Variants in SLC24A2 observed in about 807,000 individuals in gnomAD.
SLC24A2 encodes sodium/potassium/calcium exchanger 2.
SLC24A2 carries 36 observed loss-of-function variants against 62.0 expected under a neutral mutation model. The observed-to-expected ratio is 0.58, with a 90% confidence interval of 0.44 to 0.77. The LOEUF is 0.77. Among genes scored for constraint, SLC24A2 ranks in the 30% least tolerant of loss-of-function variants. The pLI is 0.00. For synonymous variants in SLC24A2, 358 were observed against 294.0 expected, an observed-to-expected ratio of 1.22 and a Z score of -2.23; for missense variants, 846 against 817.9, an observed-to-expected ratio of 1.03 and a Z score of -0.42.
intron 8 of SLC24A2, among the ~76,000 whole-genome samples, chr9:19,533,587 C>G (rs1375587951): frequency 6.6e-6 from 1 of 152,190 alleles, no homozygotes; most frequent in African/African-American, 2.4e-5. Context: ...CCAGGCTAGC[C>G]TGCTTTGAGA....
chr9:19,709,648 C>A (rs182026246), intron 2 of SLC24A2, among the ~76,000 whole-genome samples: 6 of 150,904 alleles, frequency 4.0e-5, no homozygotes, highest in Middle Eastern at 3.4e-3. Flanking sequence ...AGCAAACTAT[C>A]GCAAGGACAA....
Position 19,582,974 on chromosome 9 carries a change from C to G in SLC24A2, c.1130-5952G>C, listed in dbSNP as rs533664083. Among the ~76,000 whole-genome samples, 399 of 152,206 alleles carry G rather than the reference C, an allele frequency of 2.6e-3. 3 individuals are homozygous for G. Among genetic ancestry groups the G allele is most frequent in the African/African-American group, 8.7e-3 (363 of 41,518 alleles). ...GGAATAATTCTGCTGGTCTGAGTCT[C>G]CCCCTTCTACCCTCCCCTCTCCGCC... is the stretch of plus-strand genomic sequence containing the variant. On this transcript the variant is annotated intron_variant, in intron 5 of 10. Coordinates refer to ENST00000341998, the MANE Select transcript of SLC24A2 (RefSeq NM_020344.4).
the SLC24A2 span, among the ~76,000 whole-genome samples, chr9:20,097,873 G>C: frequency 4.0e-5 from 6 of 151,354 alleles, no homozygotes; most frequent in Admixed American, 2.6e-4. Context: ...CTCCCGAGTA[G>C]CTGGGACTAC....
chr9:19,594,463 G>GA (rs1401308644), intron 5 of SLC24A2, among the ~76,000 whole-genome samples: 2 of 151,956 alleles, frequency 1.3e-5, no homozygotes, highest in Non-Finnish European at 2.9e-5. Context: ...TCCACTTAGG[G>GA]AAAAAACAAA....
At chr9:19,965,783 A>C in the SLC24A2 span, among the ~76,000 whole-genome samples, 4 of 152,138 alleles carry the variant, frequency 2.6e-5, no homozygotes, top group Non-Finnish European at 4.4e-5. Flanking sequence ...GTGACCTGGG[A>C]AAGTCATTTA....
the SLC24A2 span, among the ~76,000 whole-genome samples, chr9:20,020,804 A>G: frequency 3.9e-5 from 6 of 152,250 alleles, no homozygotes; most frequent in Admixed American, 3.3e-4. Context: ...ATCACTAAGT[A>G]GAGCCACGAA....
chr9:19,919,216 G>A, the SLC24A2 span, among the ~76,000 whole-genome samples: 1 of 152,118 alleles, frequency 6.6e-6, no homozygotes, highest in Non-Finnish European at 1.5e-5. Flanking sequence ...TGCTCCCGGG[G>A]GGTTCAGCTT....
At chr9:20,212,640 A>G in the SLC24A2 span, among the ~76,000 whole-genome samples, 2 of 151,318 alleles carry the variant, frequency 1.3e-5, no homozygotes, top group Admixed American at 6.6e-5. Flanking sequence ...AACGCCAGGG[A>G]TAAATAAGGA....
chr9:20,187,321 A>G, the SLC24A2 span, among the ~76,000 whole-genome samples: 4 of 152,210 alleles, frequency 2.6e-5, no homozygotes, highest in Non-Finnish European at 5.9e-5. Context: ...TAATTTGCCA[A>G]TCAAAACTTG....
chr9:19,983,476 C>T, the SLC24A2 span, among the ~76,000 whole-genome samples: 1 of 152,082 alleles, frequency 6.6e-6, no homozygotes, highest in Non-Finnish European at 1.5e-5. Flanking sequence ...AACCCCGTCT[C>T]TACTAAAAAC....
the SLC24A2 span, among the ~76,000 whole-genome samples, chr9:19,864,579 A>G: frequency 6.6e-6 from 1 of 152,232 alleles, no homozygotes; most frequent in African/African-American, 2.4e-5. Context: ...AACAGAATGA[A>G]GGACAAAAAC....
intron 2 of SLC24A2, among the ~76,000 whole-genome samples, chr9:19,697,428 A>C (rs1007934244): frequency 1.6e-4 from 25 of 152,202 alleles, no homozygotes; most frequent in African/African-American, 6.0e-4. Context: ...TATGTACCCC[A>C]GAATTTAAAA....
the SLC24A2 span, among the ~76,000 whole-genome samples, chr9:20,189,405 G>A: frequency 6.6e-6 from 1 of 152,152 alleles, no homozygotes; most frequent in Non-Finnish European, 1.5e-5. Flanking sequence ...AAGTCCCTGG[G>A]ACCATCAATG....
the SLC24A2 span, among the ~76,000 whole-genome samples, chr9:20,150,497 G>A: frequency 1.3e-5 from 2 of 150,878 alleles, no homozygotes; most frequent in African/African-American, 4.9e-5. Flanking sequence ...TTCTGCTGAT[G>A]GAAAAGTAAA....
At chr9:19,625,831 T>A (rs975872379) in intron 2 of SLC24A2, among the ~76,000 whole-genome samples, 3 of 151,742 alleles carry the variant, frequency 2.0e-5, no homozygotes, top group Non-Finnish European at 4.4e-5. Flanking sequence ...GGATTACAGG[T>A]GCCCGCCACC....
the SLC24A2 span, among the ~76,000 whole-genome samples, chr9:20,078,373 T>A: frequency 7.7e-6 from 1 of 129,928 alleles, no homozygotes; most frequent in Non-Finnish European, 1.6e-5. Context: ...AATGGCAGCA[T>A]CAGCTGAGAC....
chr9:20,251,767 T>C, the SLC24A2 span, among the ~76,000 whole-genome samples: 7 of 152,124 alleles, frequency 4.6e-5, no homozygotes, highest in Non-Finnish European at 1.0e-4. Flanking sequence ...CAGGGATGGG[T>C]GATTCAACAG....
At chr9:20,166,045 A>G in the SLC24A2 span, among the ~76,000 whole-genome samples, 1 of 151,944 alleles carries the variant, frequency 6.6e-6, no homozygotes, top group South Asian at 2.1e-4. Context: ...AAAAAATTAA[A>G]CATTATAAGA....
At chr9:19,572,288 C>T (rs1465621980) in intron 7 of SLC24A2, among the ~76,000 whole-genome samples, 1 of 143,660 alleles carries the variant, frequency 7.0e-6, no homozygotes, top group Non-Finnish European at 1.5e-5. Context: ...AAAAATGGAG[C>T]TACTAATGCC....
Sources: gnomAD v4.1 joint callset for allele counts (sites outside exome capture counted in the v4.1 genomes callset) on GRCh38, gnomAD v4.1.1 for gene constraint, MANE v1.5 for transcripts, NCBI Gene and HGNC (gene_info 2026-07-23, HGNC 2026-07-21) for gene names.